Variants in COL24A1 observed in about 807,000 individuals in gnomAD.
COL24A1 encodes the protein collagen type XXIV alpha 1 chain, also known as collagen alpha-1(XXIV) chain.
Under a neutral mutation model 253.9 loss-of-function variants are expected in COL24A1, and 224 were observed. The ratio of observed to expected loss-of-function variants is 0.88; its 90% confidence interval spans 0.79 to 0.99. The LOEUF is 0.99. Ranked by LOEUF, COL24A1 falls within the 50% of genes least tolerant of loss-of-function variation. The pLI is 0.00. For missense variants in COL24A1, 2,131 were observed against 2,068.5 expected (o/e 1.03, Z -0.59); for synonymous variants, 685 against 673.7 (o/e 1.02, Z -0.26).
chr1:86,040,489 T>C (rs551234910), intron 12 of COL24A1, among the ~76,000 whole-genome samples: 3 of 120,870 alleles, frequency 2.5e-5, no homozygotes, highest in Non-Finnish European at 4.8e-5. Flanking sequence ...ACAAGGCTCT[T>C]TGAGTTGTCC....
chr1:86,068,051 T>G (rs1413491067), intron 7 of COL24A1, among the ~76,000 whole-genome samples: 2 of 152,246 alleles, frequency 1.3e-5, no homozygotes, highest in Non-Finnish European at 2.9e-5. Flanking sequence ...ATTTTTGTTG[T>G]AATATAAAAT....
chr1:86,136,736 C>T (rs1388360994), intron 2 of COL24A1, among the ~76,000 whole-genome samples: 2 of 152,080 alleles, frequency 1.3e-5, no homozygotes, highest in Non-Finnish European at 2.9e-5. Flanking sequence ...CCACATATCC[C>T]TTGGCAAATC....
Position 85,877,104 on chromosome 1 carries a change from T to C in COL24A1, c.3030+18A>G. Reference sequence around the variant, plus strand: ...AAGTAGAATATTTATGAAGAAGAACTAGCCACAAAAAATTTACCTCCATGC... The same window carrying C: ...AAGTAGAATATTTATGAAGAAGAACCAGCCACAAAAAATTTACCTCCATGC... On this transcript the variant is annotated intron_variant, in intron 33 of 59. Coordinates refer to ENST00000370571, the MANE Select transcript of COL24A1 (RefSeq NM_152890.7). The C allele has an allele frequency of 6.3e-7, 1 of 1,592,696 alleles. No individual in the cohort carries two copies. Among genetic ancestry groups the C allele is most frequent in the East Asian group, 2.3e-5 (1 of 44,286 alleles).
intron 22 of COL24A1, among the ~76,000 whole-genome samples, chr1:85,965,719 C>T (rs557494070): frequency 7.2e-5 from 11 of 152,036 alleles, no homozygotes; most frequent in African/African-American, 2.7e-4. Context: ...TGAGTAAAGA[C>T]CTAAAGAAAG....
intron 22 of COL24A1, 55 bp downstream of exon 22, chr1:85,970,172 A>T: frequency 7.0e-7 from 1 of 1,431,188 alleles, no homozygotes; most frequent in Non-Finnish European, 9.5e-7. Context: ...AAACATTTAT[A>T]GAACAGCTAT....
At chr1:85,862,632 A>G (rs1407661545) in intron 37 of COL24A1, among the ~76,000 whole-genome samples, 2 of 152,180 alleles carry the variant, frequency 1.3e-5, no homozygotes, top group Admixed American at 1.3e-4. Flanking sequence ...CTTTAGTGGG[A>G]GATGAGGGAC....
At chr1:86,019,260 A>G (rs1004375615) in intron 18 of COL24A1, among the ~76,000 whole-genome samples, 7 of 152,148 alleles carry the variant, frequency 4.6e-5, no homozygotes, top group African/African-American at 9.7e-5. Flanking sequence ...CAGTTTTTCT[A>G]TTAATAATAT....
Position 85,896,012 on chromosome 1 carries a change from ATTAC to A in COL24A1, c.2877+5_2877+8del, listed in dbSNP as rs748656793. On this transcript the variant is annotated splice_donor_5th_base_variant and intron_variant, in intron 30 of 59. Coordinates refer to ENST00000370571, the MANE Select transcript of COL24A1 (RefSeq NM_152890.7). ...GTTCATCTTTAATGTGAAATGTTTT[ATTAC>A]TTACAATAAGACCATGAGGCCCTCT... 1.2e-6 allele frequency: 2 copies of A among 1,607,230 alleles called. No homozygotes were observed. The highest frequency in any genetic ancestry group is 3.4e-5 in the Admixed American group (2 of 58,124).
At chr1:86,000,364 T>C (rs1695280812) in intron 19 of COL24A1, among the ~76,000 whole-genome samples, 1 of 152,226 alleles carries the variant, frequency 6.6e-6, no homozygotes. Context: ...TTTTTTAATA[T>C]ATCTTACAGT....
At chr1:85,775,730 G>C in intron 52 of COL24A1, 21 bp from the exon 53 acceptor site, 1 of 1,589,034 alleles carries the variant, frequency 6.3e-7, no homozygotes, top group Admixed American at 1.7e-5. Context: ...AAAAAAAGAT[G>C]TTAGTTCATT....
At position 85,970,346 on chromosome 1, in the gene COL24A1, A is replaced by C. The variant is rs1692031935; in HGVS notation, c.2419-75T>G. 6 of 1,326,366 alleles carry C rather than the reference A, an allele frequency of 4.5e-6. No homozygotes were observed. The South Asian group carries it at 8.3e-5, about 18-fold the overall frequency. The allele number at this position is 1,326,366 out of a possible 1,614,324, so 82.2% of individuals were successfully genotyped here. On this transcript the variant is annotated intron_variant, in intron 21 of 59. Transcript: ENST00000370571. ...AAAAATGTAAACTCTTATTTTCTCT[A>C]TTTATTCTAAAATGTGAAGCTCATT...
chr1:86,080,168 G>A (rs995675276), intron 7 of COL24A1, among the ~76,000 whole-genome samples: 3 of 152,134 alleles, frequency 2.0e-5, no homozygotes, highest in African/African-American at 4.8e-5. Context: ...AAATAAGCCA[G>A]GCACAGAAAG....
At chr1:85,887,561 T>C (rs888763150) in intron 32 of COL24A1, among the ~76,000 whole-genome samples, 3 of 152,134 alleles carry the variant, frequency 2.0e-5, no homozygotes, top group Admixed American at 2.0e-4. Context: ...ACTTTGCTGT[T>C]ATAGTATGAA....
intron 24 of COL24A1, among the ~76,000 whole-genome samples, chr1:85,944,797 G>A (rs1375668674): frequency 6.6e-6 from 1 of 151,248 alleles, no homozygotes; most frequent in African/African-American, 2.4e-5. Flanking sequence ...CCCTTCCTGT[G>A]TCCATGTGTT....
At chr1:86,054,261 A>G (rs1407184961) in intron 10 of COL24A1, among the ~76,000 whole-genome samples, 1 of 152,304 alleles carries the variant, frequency 6.6e-6, no homozygotes, top group East Asian at 1.9e-4. Context: ...CTAAATCTTC[A>G]AAAGCAACAA....
In COL24A1 at chr1:85,897,449, TA is replaced by T. The variant is rs574169363; in HGVS notation, c.2779-1041del. Among the ~76,000 whole-genome samples the T allele has an allele frequency of 3.1e-3, 427 of 139,606 alleles. 3 individuals are homozygous for T. The highest frequency in any genetic ancestry group is 8.5e-3 in the African/African-American group (325 of 38,312). 91.6% of individuals were successfully genotyped at this position (139,606 alleles called of 152,430 possible). On this transcript the variant is annotated intron_variant, in intron 28 of 59. Transcript: ENST00000370571. ...AAAAAGAAATAAAGTTTAGCTGGAATAAAAAAAAAAAGAAAGAAAGAAAATG... is the reference window on the plus strand; with the variant it reads ...AAAAAGAAATAAAGTTTAGCTGGAATAAAAAAAAAAGAAAGAAAGAAAATG...
At chr1:85,943,169 C>T (rs1112325) in intron 24 of COL24A1, among the ~76,000 whole-genome samples, 4,882 of 152,264 alleles carry the variant, frequency 0.032, 265 homozygotes, top group African/African-American at 0.11. Flanking sequence ...GGCATGCCAG[C>T]TTTTGGACTC....
intron 42 of COL24A1, among the ~76,000 whole-genome samples, chr1:85,840,973 C>A (rs963245720): frequency 6.6e-6 from 1 of 152,000 alleles, no homozygotes; most frequent in African/African-American, 2.4e-5. Flanking sequence ...GCCTTCAATG[C>A]AGAAAGTTAG....
At chr1:86,030,242 C>T (rs1698438570) in intron 14 of COL24A1, 1 of 152,198 alleles carries the variant, frequency 6.6e-6, no homozygotes, top group Admixed American at 6.5e-5. Flanking sequence ...CCACATAAAG[C>T]CTTAGCAAGA....
Sources: allele counts gnomAD v4.1 joint callset (sites outside exome capture counted in the v4.1 genomes callset), GRCh38; gene constraint gnomAD v4.1.1; transcripts MANE v1.5; gene names NCBI Gene and HGNC (gene_info 2026-07-23, HGNC 2026-07-21).